TEX11: variants seen among roughly 807,000 people sequenced by gnomAD.
TEX11 encodes testis-expressed protein 11.
A neutral mutation model predicts 84.4 loss-of-function variants in TEX11; 7 were observed. That is an observed-to-expected ratio of 0.08 (90% CI 0.05 to 0.16). The LOEUF is 0.16. TEX11 is among the 10% of genes least tolerant of loss of function. The pLI is 1.00. For synonymous variants in TEX11, 264 were observed against 222.8 expected (o/e 1.18, Z -1.64); for missense variants, 551 against 660.5 (o/e 0.83, Z 1.82).
intron 2 of TEX11, among the ~76,000 whole-genome samples, chrX:70,894,519 G>A (rs1232262290): frequency 2.7e-5 from 3 of 109,788 alleles, no homozygotes; most frequent in Non-Finnish European, 3.8e-5. Flanking sequence ...CCAGCTACTC[G>A]GGAGGCTGAG....
intron 9 of TEX11, among the ~76,000 whole-genome samples, chrX:70,800,919 C>T (rs921696278): frequency 2.7e-5 from 3 of 111,047 alleles, no homozygotes; most frequent in African/African-American, 9.8e-5. Flanking sequence ...ACTTCTTGAA[C>T]CCCCTTTCTA....
chrX:70,649,621 C>T (rs774061474), intron 17 of TEX11, among the ~76,000 whole-genome samples: 1 of 111,435 alleles, frequency 9.0e-6, no homozygotes, highest in East Asian at 2.8e-4. Context: ...ATATTATCAT[C>T]GAATTAACTG....
At chrX:70,859,343 C>G (rs757663982) in intron 5 of TEX11, among the ~76,000 whole-genome samples, 2 of 106,833 alleles carry the variant, frequency 1.9e-5, no homozygotes, top group African/African-American at 6.8e-5. Context: ...TTTGGGAGGC[C>G]GGGGCGGGTG....
chrX:70,694,342 C>T (rs1322013657), intron 13 of TEX11, among the ~76,000 whole-genome samples: 4 of 111,346 alleles, frequency 3.6e-5, no homozygotes, highest in African/African-American at 1.3e-4. Context: ...CGTGCCTGGC[C>T]TGAAAGGAGT....
At chrX:70,824,315 T>C (rs1228548477) in intron 8 of TEX11, among the ~76,000 whole-genome samples, 1 of 112,188 alleles carries the variant, frequency 8.9e-6, no homozygotes, top group Non-Finnish European at 1.9e-5. Flanking sequence ...CTGAGGGTGC[T>C]TCTCTACTTC....
At chrX:70,683,083 G>GT (rs2090159647) in intron 13 of TEX11, among the ~76,000 whole-genome samples, 1 of 110,969 alleles carries the variant, frequency 9.0e-6, no homozygotes, top group South Asian at 3.9e-4. Flanking sequence ...TCTAATTTAT[G>GT]TTTTTCCCAG....
chrX:70,785,067 C>G (rs2091068934), intron 9 of TEX11, among the ~76,000 whole-genome samples: 1 of 112,039 alleles, frequency 8.9e-6, no homozygotes, highest in African/African-American at 3.2e-5. Context: ...CACTACCTGA[C>G]TTCAAACTAT....
At chrX:70,538,057 C>T (rs994062657) in intron 28 of TEX11, among the ~76,000 whole-genome samples, 2 of 111,281 alleles carry the variant, frequency 1.8e-5, no homozygotes, top group African/African-American at 6.5e-5. Context: ...AAAGATGAGA[C>T]CTCCATAAAA....
At chrX:70,640,548 C>A (rs2089641555) in intron 17 of TEX11, among the ~76,000 whole-genome samples, 1 of 110,630 alleles carries the variant, frequency 9.0e-6, no homozygotes, top group Non-Finnish European at 1.9e-5. Context: ...AAAGGGAAGC[C>A]CATCAGACTA....
chrX:70,737,692 C>G (rs1368314585), intron 11 of TEX11, among the ~76,000 whole-genome samples: 1 of 106,606 alleles, frequency 9.4e-6, no homozygotes, highest in Non-Finnish European at 1.9e-5. Flanking sequence ...TACCCCCCCC[C>G]CAAAAAAAGC....
At chrX:70,521,863 A>G in the TEX11 span, among the ~76,000 whole-genome samples, 1 of 104,776 alleles carries the variant, frequency 9.5e-6, no homozygotes, top group Non-Finnish European at 2.0e-5. Flanking sequence ...ATGACTTAAA[A>G]TTTTTTTTTT....
chrX:70,865,674 C>T (rs1177799872), intron 4 of TEX11, among the ~76,000 whole-genome samples: 3 of 111,521 alleles, frequency 2.7e-5, no homozygotes, highest in South Asian at 3.7e-4. Flanking sequence ...TGCAAAAGAA[C>T]GGAAATCAAA....
chrX:70,643,998 G>T, intron 17 of TEX11, among the ~76,000 whole-genome samples: 1 of 102,533 alleles, frequency 9.8e-6, no homozygotes, highest in South Asian at 4.8e-4. Flanking sequence ...TACAAAATGG[G>T]AGAAAATTTT....
intron 17 of TEX11, among the ~76,000 whole-genome samples, chrX:70,634,816 G>A (rs2089551701): frequency 8.9e-6 from 1 of 111,796 alleles, no homozygotes; most frequent in Non-Finnish European, 1.9e-5. Context: ...AAAATTTCTT[G>A]AAGAAAACAT....
intron 5 of TEX11, among the ~76,000 whole-genome samples, chrX:70,860,571 A>T (rs1445941810): frequency 9.0e-6 from 1 of 111,654 alleles, no homozygotes; most frequent in Non-Finnish European, 1.9e-5. Flanking sequence ...AGATGAAGAA[A>T]CAGTTACTCT....
chrX:70,884,346 A>T (rs2091697447), intron 2 of TEX11, among the ~76,000 whole-genome samples: 1 of 111,985 alleles, frequency 8.9e-6, no homozygotes, highest in Non-Finnish European at 1.9e-5. Context: ...TCTATCAGGA[A>T]GGATCTGGAA....
chrX:70,603,593 A>C (rs1263516495), intron 24 of TEX11, among the ~76,000 whole-genome samples: 2 of 111,436 alleles, frequency 1.8e-5, no homozygotes, highest in East Asian at 5.6e-4. Context: ...CTAAAACCAT[A>C]AAAACCCTAA....
chrX:70,641,893 A>G (rs1335940546), intron 17 of TEX11, among the ~76,000 whole-genome samples: 27 of 111,549 alleles, frequency 2.4e-4, no homozygotes, highest in African/African-American at 7.8e-4. Flanking sequence ...GCAAAAGCTA[A>G]CAGAAGGCAA....
intron 4 of TEX11, among the ~76,000 whole-genome samples, chrX:70,866,337 A>T (rs1379469681): frequency 2.7e-5 from 3 of 109,673 alleles, no homozygotes; most frequent in Non-Finnish European, 5.7e-5. Context: ...AGACAAAACC[A>T]GAAGATGTCG....
Sources: gnomAD v4.1 joint callset for allele counts (sites outside exome capture counted in the v4.1 genomes callset) on GRCh38, gnomAD v4.1.1 for gene constraint, MANE v1.5 for transcripts, NCBI Gene and HGNC (gene_info 2026-07-23, HGNC 2026-07-21) for gene names.